Variants in FAM135B observed in about 807,000 individuals in gnomAD.
FAM135B encodes the protein family with sequence similarity 135 member B.
A neutral mutation model predicts 127.7 loss-of-function variants in FAM135B; 43 were observed. The ratio of observed to expected loss-of-function variants is 0.34; its 90% CI spans 0.26 to 0.43. The LOEUF is 0.43. Ranked by LOEUF, FAM135B falls within the 20% of genes least tolerant of loss-of-function variation. The probability of loss-of-function intolerance (pLI) is 1.00; values close to 1 mark genes in which losing one functional copy is unlikely to be tolerated. For missense variants in FAM135B, 1,558 were observed against 1,725.6 expected (o/e 0.90, Z 1.72); for synonymous variants, 670 against 665.1 (o/e 1.01, Z -0.11).
chr8:138,151,065 G>A (rs927357323), intron 13 of FAM135B, 129 bp downstream of exon 13: 2 of 543,208 alleles, frequency 3.7e-6, no homozygotes, highest in African/African-American at 3.8e-5. Flanking sequence ...CTATAATATG[G>A]TATATTACCT....
intron 1 of FAM135B, among the ~76,000 whole-genome samples, chr8:138,399,295 C>T (rs981720273): frequency 3.3e-5 from 5 of 152,194 alleles, no homozygotes; most frequent in Admixed American, 6.5e-5. Flanking sequence ...GACTTATTGT[C>T]GCTTTCCATT....
intron 1 of FAM135B, among the ~76,000 whole-genome samples, chr8:138,389,160 G>C (rs1832392596): frequency 6.6e-6 from 1 of 152,186 alleles, no homozygotes; most frequent in Non-Finnish European, 1.5e-5. Context: ...AACAAGTGCT[G>C]ACAAGAATGT....
chr8:138,251,881 A>G (rs1167274807), intron 5 of FAM135B, among the ~76,000 whole-genome samples: 1 of 152,182 alleles, frequency 6.6e-6, no homozygotes, highest in Non-Finnish European at 1.5e-5. Flanking sequence ...TCATGAGAAG[A>G]GCAGAGAGGA....
chr8:138,374,199 C>A (rs1282206327), intron 1 of FAM135B, among the ~76,000 whole-genome samples: 3 of 152,210 alleles, frequency 2.0e-5, no homozygotes, highest in Non-Finnish European at 2.9e-5. Flanking sequence ...CTTTATTTCT[C>A]AACCCAGCTG....
chr8:138,407,478 G>A (rs962508640), intron 1 of FAM135B, among the ~76,000 whole-genome samples: 20 of 152,244 alleles, frequency 1.3e-4, no homozygotes, highest in Admixed American at 3.3e-4. Flanking sequence ...GAACAAAGCC[G>A]GAGGCATCAC....
In FAM135B at chr8:138,239,529, T is replaced by C. The variant is rs1371095989; in HGVS notation, c.669+3413A>G. Among the ~76,000 whole-genome samples, 4 of 152,248 alleles carry C rather than the reference T, an allele frequency of 2.6e-5. No individual in the cohort carries two copies. In the East Asian group the frequency reaches 7.7e-4, roughly 29 times the overall value. On this transcript the variant is annotated intron_variant, in intron 7 of 19. Transcript: ENST00000395297. ...GTTGCCTGTTCACTCTGATGGTAGT[T>C]TCTTTTGCTGTGCAGAAGCTCTTTA...
intron 9 of FAM135B, among the ~76,000 whole-genome samples, chr8:138,192,662 C>T (rs982556714): frequency 1.1e-4 from 17 of 152,188 alleles, no homozygotes; most frequent in Non-Finnish European, 2.5e-4. Context: ...TTGGACTCAT[C>T]GCCAACCCAA....
intron 2 of FAM135B, among the ~76,000 whole-genome samples, chr8:138,322,027 A>G (rs1400088165): frequency 6.6e-6 from 1 of 152,234 alleles, no homozygotes. Context: ...GAACCACGGA[A>G]GGAACAATGG....
At position 138,287,544 on chromosome 8, in the gene FAM135B, A is replaced by G. The variant is rs559668975; in HGVS notation, c.158-21702T>C. 9.3e-5 allele frequency among the ~76,000 whole-genome samples: 14 copies of G among 150,030 alleles called. 1 individual carries two copies. In the East Asian group the frequency reaches 2.2e-3, roughly 23 times the overall value. Reference sequence around the variant, plus strand: ...TTAGAGAAACCTTTCACATGTTTTCACAAAGAGGCATGGACAGAAATGGTT... The same window carrying G: ...TTAGAGAAACCTTTCACATGTTTTCGCAAAGAGGCATGGACAGAAATGGTT... On this transcript the variant is annotated intron_variant, in intron 3 of 19. Transcript: ENST00000395297.
At chr8:138,354,684 G>T (rs16908908) in intron 2 of FAM135B, among the ~76,000 whole-genome samples, 1 of 152,194 alleles carries the variant, frequency 6.6e-6, no homozygotes, top group Non-Finnish European at 1.5e-5. Flanking sequence ...ACAAGAGCAA[G>T]AGCTCAAGGT....
chr8:138,356,749 T>C (rs1014188130), intron 2 of FAM135B, among the ~76,000 whole-genome samples: 1 of 152,122 alleles, frequency 6.6e-6, no homozygotes, highest in African/African-American at 2.4e-5. Flanking sequence ...GCTACCTGAG[T>C]GTCAATGGCT....
At chr8:138,254,867 C>A (rs1255537074) in intron 5 of FAM135B, among the ~76,000 whole-genome samples, 1 of 152,170 alleles carries the variant, frequency 6.6e-6, no homozygotes, top group Non-Finnish European at 1.5e-5. Flanking sequence ...AATTCCCATA[C>A]ATGATCAAGT....
At chr8:138,200,293 C>G (rs2131160678) in intron 7 of FAM135B, among the ~76,000 whole-genome samples, 1 of 152,316 alleles carries the variant, frequency 6.6e-6, no homozygotes. Context: ...TGTCTGTGCT[C>G]ACCAGGCATT....
intron 15 of FAM135B, 100 bp downstream of exon 15, chr8:138,145,859 T>A: frequency 1.5e-6 from 1 of 677,562 alleles, no homozygotes; most frequent in South Asian, 1.9e-5. Context: ...CAAGGTCTCC[T>A]CCTATCTGTG....
rs146486865 is a variant in FAM135B, at chr8:138,182,312, T to C, written c.874-3622A>G. On this transcript the variant is annotated intron_variant, in intron 9 of 19. Transcript: ENST00000395297. ...ATGCCCGAGCCTGTGCAATCACAGA[T>C]GGCGAGCTTGGAAGGGTTTTTTCCA... 7.4e-4 allele frequency among the ~76,000 whole-genome samples: 112 copies of C among 152,356 alleles called. No individual in the cohort carries two copies. In the East Asian group the frequency reaches 0.021, roughly 29 times the overall value.
chr8:138,448,421 G>A (rs1446750976), intron 1 of FAM135B, among the ~76,000 whole-genome samples: 1 of 152,092 alleles, frequency 6.6e-6, no homozygotes, highest in Middle Eastern at 3.2e-3. Flanking sequence ...TTTTTCCTTA[G>A]ATTAGCTTGA....
chr8:138,168,950 GC>G (rs1227031869), intron 11 of FAM135B, among the ~76,000 whole-genome samples: 16 of 152,230 alleles, frequency 1.1e-4, no homozygotes, highest in Non-Finnish European at 2.9e-5. Flanking sequence ...GCCTCTGGAA[GC>G]CCCCCTTCTC....
intron 12 of FAM135B, among the ~76,000 whole-genome samples, chr8:138,155,918 C>A (rs1314326093): frequency 6.6e-6 from 1 of 152,090 alleles, no homozygotes; most frequent in African/African-American, 2.4e-5. Flanking sequence ...ATATCCAGAA[C>A]TTGAACTCGG....
At chr8:138,281,016 C>T (rs764622201) in intron 3 of FAM135B, among the ~76,000 whole-genome samples, 1 of 152,122 alleles carries the variant, frequency 6.6e-6, no homozygotes, top group Non-Finnish European at 1.5e-5. Flanking sequence ...AAAGTTCACT[C>T]AAGTTCATCT....
Sources: allele counts gnomAD v4.1 joint callset (sites outside exome capture counted in the v4.1 genomes callset), GRCh38; gene constraint gnomAD v4.1.1; transcripts MANE v1.5; gene names NCBI Gene and HGNC (gene_info 2026-07-23, HGNC 2026-07-21).